OXTR: variants seen among roughly 807,000 people sequenced by gnomAD.
OXTR encodes the protein oxytocin receptor.
In OXTR, 19 loss-of-function variants were observed where a neutral mutation model predicts 23.9. The ratio of observed to expected loss-of-function variants is 0.80; its 90% CI spans 0.56 to 1.17. The LOEUF (loss-of-function observed/expected upper bound fraction) is 1.17. Ranked by LOEUF, OXTR falls within the 50% of genes most tolerant of loss-of-function variation. The pLI is 0.00. For synonymous variants in OXTR, 278 were observed against 250.5 expected (o/e 1.11, Z -1.04); for missense variants, 500 against 550.7 (o/e 0.91, Z 0.92).
chr3:8,745,463 A>C (rs1207471819), downstream of OXTR: 5 of 1,324,330 alleles, frequency 3.8e-6, no homozygotes, highest in Non-Finnish European at 4.3e-6. This position sits in a 1 kb window ranked among gnomAD's most constrained non-coding sequence, Gnocchi z 4.8. Context: ...GCACGCACAC[A>C]CCCAAAAGCT....
chr3:8,754,569 GC>G (rs1708337409), intron 3 of OXTR, among the ~76,000 whole-genome samples: 1 of 152,324 alleles, frequency 6.6e-6, no homozygotes, highest in Non-Finnish European at 1.5e-5. Context: ...CTCAAGAGGT[GC>G]AAAATCTAGA....
chr3:8,752,967 G>C lies in OXTR; in HGVS notation c.*10C>G. ...AGCCTCAGGCTGCAGCCCTGGCCCT[G>C]GCTGGTGGGTCACGCCGTGGATGGC... is the stretch of plus-strand genomic sequence containing the variant. On this transcript the variant is annotated 3_prime_UTR_variant, in exon 4 of 4. Coordinates refer to ENST00000316793, the MANE Select transcript of OXTR (RefSeq NM_000916.4). 1.2e-6 allele frequency: 2 copies of C among 1,607,662 alleles called. No homozygotes were observed. The highest frequency in any genetic ancestry group is 1.7e-6 in the Non-Finnish European group (2 of 1,176,020).
Position 8,753,051 on chromosome 3 carries a change from T to C in OXTR, c.1096A>G (p.Ser366Gly), listed in dbSNP as rs201856773. The C allele has an allele frequency of 2.5e-6, 4 of 1,614,112 alleles. No homozygotes were observed. Among genetic ancestry groups the C allele is most frequent in the Non-Finnish European group, 3.4e-6 (4 of 1,179,998 alleles). ...CTCAGGACAAAGGAGGACGAGTTGC[T>C]CTTTTTGCTGGCACTCGTCTCTCCC... The part of the protein sequence containing the change: ...RLGETSASKK[S>G]NSSSFVLSHR... The change falls in exon 4 of 4, where the codon AGC becomes GGC. Residue 366 changes from serine to glycine, a missense_variant. Coordinates refer to ENST00000316793, the MANE Select transcript of OXTR (RefSeq NM_000916.4).
rs201050970 is a variant in OXTR, at chr3:8,753,139, G to T, written c.1008C>A (p.Leu336=). ...GGAAGCGCTGCACGAGTTCGTGGAAGAGGTGGCCCGTGAACAGCATGTAGA... is the reference window on the plus strand; with the variant it reads ...GGAAGCGCTGCACGAGTTCGTGGAATAGGTGGCCCGTGAACAGCATGTAGA... ...PWIYMLFTGH[L]FHELVQRFLC... is the part of the protein sequence containing the mutation. Residue 336 remains leucine, a synonymous_variant, in exon 4 of 4, where the codon CTC becomes CTA. Transcript: ENST00000316793. 19 of 1,614,214 alleles carry T rather than the reference G, an allele frequency of 1.2e-5. No individual in the cohort carries two copies. Among genetic ancestry groups the T allele is most frequent in the Non-Finnish European group, 1.5e-5 (18 of 1,180,038 alleles).
At chr3:8,755,853 G>GCATA (rs1708361141) in intron 3 of OXTR, among the ~76,000 whole-genome samples, 1 of 152,216 alleles carries the variant, frequency 6.6e-6, no homozygotes, top group African/African-American at 2.4e-5. Flanking sequence ...GGACTATGGA[G>GCATA]CATATTTCAA....
chr3:8,742,441 T>G, the OXTR span: 3 of 449,698 alleles, frequency 6.7e-6, no homozygotes, highest in Non-Finnish European at 8.9e-6. Context: ...GGATTATTAC[T>G]GTAAGTACTG....
chr3:8,751,503 T>G lies in OXTR; in HGVS notation c.*1474A>C, dbSNP rs200234256. 6.6e-6 allele frequency: 1 copy of G among 152,204 alleles called. No homozygotes were observed. Among genetic ancestry groups the G allele is most frequent in the Non-Finnish European group, 1.5e-5 (1 of 68,036 alleles). 9.4% of individuals were successfully genotyped at this position (152,204 alleles called of 1,614,324 possible). A position where few individuals can be genotyped will look rare whatever the true frequency, so the allele number is the denominator to read the frequency against. On this transcript the variant is annotated 3_prime_UTR_variant, in exon 4 of 4. Transcript: ENST00000316793. ...TATGCCTATGTTTCTTTCTAAGATT[T>G]TATAGTTTCAGCTCTTATATTTAGA... is the stretch of plus-strand genomic sequence containing the variant.
intron 3 of OXTR, 146 bp downstream of exon 3, chr3:8,767,119 AG>A (rs1255574458): frequency 1.1e-5 from 8 of 720,820 alleles, no homozygotes; most frequent in Non-Finnish European, 1.7e-5. Flanking sequence ...CACTTGGTCA[AG>A]GGATGACAGA....
At chr3:8,748,793 A>G (rs1708207498), downstream of OXTR, among the ~76,000 whole-genome samples, 1 of 152,172 alleles carries the variant, frequency 6.6e-6, no homozygotes, top group Non-Finnish European at 1.5e-5. Context: ...TGAAACCAGG[A>G]TTTTCTTAAA....
At chr3:8,743,644 C>G in the OXTR span, among the ~76,000 whole-genome samples, 1 of 152,160 alleles carries the variant, frequency 6.6e-6, no homozygotes, top group African/African-American at 2.4e-5. Flanking sequence ...GCTGACACAC[C>G]ACCCCGAGTG....
At chr3:8,764,074 G>A (rs1303805108) in intron 3 of OXTR, among the ~76,000 whole-genome samples, 1 of 152,100 alleles carries the variant, frequency 6.6e-6, no homozygotes, top group African/African-American at 2.4e-5. Context: ...GGCATATGAG[G>A]GAATGAAGTT....
Position 8,768,022 on chromosome 3 carries a change from C to T in OXTR, c.166G>A (p.Gly56Arg), listed in dbSNP as rs763066550. 2 of 1,604,890 alleles carry T rather than the reference C, an allele frequency of 1.2e-6. No individual in the cohort carries two copies. Among genetic ancestry groups the T allele is most frequent in the Non-Finnish European group, 1.7e-6 (2 of 1,176,466 alleles). The change falls in exon 3 of 4, where the codon GGG becomes AGG. Residue 56 changes from glycine (G) to arginine (R), a missense_variant. Coordinates refer to ENST00000316793, the MANE Select transcript of OXTR (RefSeq NM_000916.4). This position sits in a 1 kb window ranked among gnomAD's most constrained non-coding sequence, Gnocchi z 5.4. ...LCLILLLALS[G>R]NACVLLALRT... ...AGCGCCAGCAGCACACACGCGTTCC[C>T]GCTCAGCGCCAGGAGCAGGATGAGA... is the stretch of plus-strand genomic sequence containing the variant.
chr3:8,761,162 C>T (rs1289712596), intron 3 of OXTR, among the ~76,000 whole-genome samples: 1 of 152,192 alleles, frequency 6.6e-6, no homozygotes, highest in African/African-American at 2.4e-5. Context: ...TTGAAAAAAT[C>T]GTGCTCTAAA....
intron 3 of OXTR, among the ~76,000 whole-genome samples, chr3:8,764,896 G>A (rs1301616701): frequency 6.6e-6 from 1 of 152,212 alleles, no homozygotes; most frequent in African/African-American, 2.4e-5. Flanking sequence ...AGGACCAAGA[G>A]AAGCCCTGGG....
At position 8,767,760 on chromosome 3, in the gene OXTR, T is replaced by C. The variant is rs932090848; in HGVS notation, c.428A>G (p.Gln143Arg). The C allele has an allele frequency of 1.9e-5, 30 of 1,606,090 alleles. No individual in the cohort carries two copies. Among genetic ancestry groups the C allele is most frequent in the Non-Finnish European group, 2.4e-5 (28 of 1,176,434 alleles). ...GCGGCGGCGCAGCGAGCGCAGCGGCTGGCAGATGGCCAGGCAGCGGTCCAG... is the reference window on the plus strand; with the variant it reads ...GCGGCGGCGCAGCGAGCGCAGCGGCCGGCAGATGGCCAGGCAGCGGTCCAG... ...MSLDRCLAICQPLRSLRRRTD... is the reference protein window; with the variant it reads ...MSLDRCLAICRPLRSLRRRTD... The change falls in exon 3 of 4, where the codon CAG (glutamine) becomes CGG (arginine). Residue 143 changes from glutamine to arginine, a missense_variant. Transcript: ENST00000316793.
rs200310006 is a variant in OXTR, at chr3:8,752,715, C to T, written c.*262G>A. The T allele has an allele frequency of 4.5e-6, 2 of 440,382 alleles. No homozygotes were observed. The highest frequency in any genetic ancestry group is 7.2e-5 in the East Asian group (2 of 27,920). The allele number at this position is 440,382 out of a possible 1,614,324, so 27.3% of individuals were successfully genotyped here. On this transcript the variant is annotated 3_prime_UTR_variant, in exon 4 of 4. Coordinates refer to ENST00000316793, the MANE Select transcript of OXTR (RefSeq NM_000916.4). ...GAAATTACAAGTCCAGGAGAAAAAA[C>T]AAGCCACTCACTGCCCAGGGCAGCA...
chr3:8,767,233 C>G, intron 3 of OXTR, 33 bp downstream of exon 3: 2 of 1,508,572 alleles, frequency 1.3e-6, no homozygotes, highest in South Asian at 1.4e-5. Context: ...AGCCACCAGG[C>G]TCCCTCCTCC....
At chr3:8,759,375 G>A (rs879790535) in intron 3 of OXTR, among the ~76,000 whole-genome samples, 2 of 152,114 alleles carry the variant, frequency 1.3e-5, no homozygotes, top group African/African-American at 2.4e-5. Flanking sequence ...CCATCATATT[G>A]TCATTATTTT....
At chr3:8,743,385 C>T in the OXTR span, among the ~76,000 whole-genome samples, 1 of 152,066 alleles carries the variant, frequency 6.6e-6, no homozygotes, top group Non-Finnish European at 1.5e-5. Context: ...ATCCCGAAGT[C>T]CCCTAAATTC....
Sources: allele counts gnomAD v4.1 joint callset (sites outside exome capture counted in the v4.1 genomes callset), GRCh38; gene constraint gnomAD v4.1.1; non-coding constraint Gnocchi (gnomAD v3.1); transcripts MANE v1.5; gene names NCBI Gene and HGNC (gene_info 2026-07-23, HGNC 2026-07-21).